SETD4: variants seen among roughly 807,000 people sequenced by gnomAD.
SETD4 encodes the protein SET domain containing 4.
In SETD4, 46 loss-of-function variants were observed where a neutral mutation model predicts 58.3. The observed-to-expected ratio is 0.79, with a 90% CI of 0.62 to 1.01. The LOEUF (loss-of-function observed/expected upper bound fraction) is 1.01. SETD4 is among the 50% of genes least tolerant of loss of function. SETD4 has a pLI of 0.00. For missense variants in SETD4, 490 were observed against 523.3 expected, an observed-to-expected ratio of 0.94 and a Z score of 0.62; for synonymous variants, 190 against 202.6, an observed-to-expected ratio of 0.94 and a Z score of 0.53.
Position 36,059,912 on chromosome 21 carries a change from G to C in SETD4, c.-37+435C>G, listed in dbSNP as rs575540101. On this transcript the variant is annotated intron_variant, in intron 1 of 11. Coordinates refer to ENST00000332131, the MANE Select transcript of SETD4 (RefSeq NM_017438.5). ...CTCAGTCCACAGACCGCGCCGGGAA[G>C]TGTCCCCAAGACTCCCGGGCCCTCG... The C allele has an allele frequency of 2.0e-4, 199 of 985,406 alleles. 1 individual carries two copies. In the African/African-American group the frequency reaches 3.4e-3, roughly 17 times the overall value. 61.0% of individuals were successfully genotyped at this position (985,406 alleles called of 1,614,324 possible).
At chr21:36,050,348 G>A (rs1355912921) in intron 4 of SETD4, 2 of 1,613,436 alleles carry the variant, frequency 1.2e-6, no homozygotes, top group Non-Finnish European at 1.7e-6. Flanking sequence ...TTAGGGCTGT[G>A]GTGATGGATG....
intron 6 of SETD4, 57 bp downstream of exon 6, chr21:36,045,525 G>C: frequency 6.4e-7 from 1 of 1,569,250 alleles, no homozygotes; most frequent in Non-Finnish European, 8.7e-7. Flanking sequence ...CACAGGTTCT[G>C]GGCAGCGGAA....
rs937641964 is a variant in SETD4, at chr21:36,035,031, A to G, written c.*962T>C. The G allele has an allele frequency of 7.9e-5, 12 of 152,300 alleles. No homozygotes were observed. Among genetic ancestry groups the G allele is most frequent in the Middle Eastern group, 3.4e-3 (1 of 294 alleles). The allele number at this position is 152,300 out of a possible 1,614,324, so 9.4% of individuals were successfully genotyped here. ...GTTCATTTGGTTTCACTAGGCTCCAATGAGAAAGGAATTTGAGTTCTTGGG... is the reference window on the plus strand; with the variant it reads ...GTTCATTTGGTTTCACTAGGCTCCAGTGAGAAAGGAATTTGAGTTCTTGGG... On this transcript the variant is annotated 3_prime_UTR_variant, in exon 12 of 12. Transcript: ENST00000332131.
At chr21:36,044,338 C>T (rs1184361125) in intron 6 of SETD4, among the ~76,000 whole-genome samples, 1 of 152,244 alleles carries the variant, frequency 6.6e-6, no homozygotes, top group Non-Finnish European at 1.5e-5. Context: ...TGGTCTCTGT[C>T]ACAAGTTGTT....
At chr21:36,046,927 A>T (rs1488425260) in intron 5 of SETD4, among the ~76,000 whole-genome samples, 1 of 152,172 alleles carries the variant, frequency 6.6e-6, no homozygotes, top group Non-Finnish European at 1.5e-5. Flanking sequence ...AAAACATGCC[A>T]GGGGGAAAAA....
chr21:36,041,087 G>A (rs1452389644), intron 8 of SETD4, among the ~76,000 whole-genome samples: 6 of 149,276 alleles, frequency 4.0e-5, no homozygotes, highest in Admixed American at 2.0e-4. Context: ...GTGAACCCGG[G>A]AGGCAGAGCT....
intron 1 of SETD4, chr21:36,059,740 A>T (rs944370360): frequency 2.9e-5 from 29 of 984,582 alleles, no homozygotes; most frequent in Non-Finnish European, 3.1e-5. Flanking sequence ...TCTAAAACAT[A>T]CGAGGGCAGA....
chr21:36,048,685 A>G (rs959347603), intron 4 of SETD4, among the ~76,000 whole-genome samples: 8 of 151,006 alleles, frequency 5.3e-5, no homozygotes, highest in African/African-American at 9.8e-5. Context: ...TGGTGGAAAC[A>G]TGCTGACAAT....
intron 10 of SETD4, 41 bp downstream of exon 10, chr21:36,038,109 T>TCAA: frequency 6.3e-7 from 1 of 1,592,728 alleles, no homozygotes; most frequent in South Asian, 1.2e-5. Flanking sequence ...AACTGCTGAA[T>TCAA]CAAGACACTT....
Position 36,048,381 on chromosome 21 carries a change from T to G in SETD4, c.223A>C (p.Ile75Leu). The change falls in exon 5 of 12, where the codon ATT (isoleucine) becomes CTT (leucine). Residue 75 changes from isoleucine (I) to leucine (L), a missense_variant. Transcript: ENST00000332131. ...QTSLQEGQMI[I>L]SLPESCLLTT... ...AGCAGGCAACTCTCAGGCAACGAAA[T>G]AATCATCTGTCCCTCCTGGCCAAAA... The G allele has an allele frequency of 1.2e-6, 2 of 1,614,052 alleles. No homozygotes were observed.
intron 8 of SETD4, among the ~76,000 whole-genome samples, chr21:36,041,221 A>AG (rs2064042952): frequency 6.9e-6 from 1 of 145,712 alleles, no homozygotes; most frequent in South Asian, 2.3e-4. Flanking sequence ...GGCCGGAGGC[A>AG]GGGCCCATGC....
rs553359357 is a variant in SETD4 at position 36,040,765 on chromosome 21, G to A, written c.984-110C>T. On this transcript the variant is annotated intron_variant, in intron 8 of 11. Transcript: ENST00000332131. ...TTTTAAAGAGGTTGCTAAATGTCAT[G>A]TAACCTGCAACCTCGGCCAAAGGAC... 4.2e-4 allele frequency: 388 copies of A among 919,366 alleles called. 1 individual carries two copies. The highest frequency in any genetic ancestry group is 5.8e-4 in the Non-Finnish European group (329 of 570,494). The allele number at this position is 919,366 out of a possible 1,614,324, so 57.0% of individuals were successfully genotyped here.
intron 4 of SETD4, chr21:36,050,715 G>C: frequency 6.2e-7 from 1 of 1,612,376 alleles, no homozygotes; most frequent in Non-Finnish European, 8.5e-7. Flanking sequence ...TAGAGGTAAA[G>C]CTGTTTTCTT....
rs377508681 is a variant in SETD4, at chr21:36,044,211, TCAG to T, written c.727-258_727-256del. 5.3e-3 allele frequency among the ~76,000 whole-genome samples: 809 copies of T among 152,290 alleles called. 5 individuals carry two copies. The highest frequency in any genetic ancestry group is 7.7e-3 in the Non-Finnish European group (521 of 68,016). ...ACCCGACACAGCACAGATGAGATCATCAGCAGTTTATTGGTCACGTCCACTCAC... is the reference window on the plus strand; with the variant it reads ...ACCCGACACAGCACAGATGAGATCATCAGTTTATTGGTCACGTCCACTCAC... On this transcript the variant is annotated intron_variant, in intron 6 of 11. Transcript: ENST00000332131.
intron 10 of SETD4, chr21:36,036,806 A>C (rs2063802067): frequency 5.4e-6 from 1 of 186,894 alleles, no homozygotes; most frequent in Non-Finnish European, 1.0e-5. Context: ...AGATGAATAA[A>C]GAAAAAGTGG....
chr21:36,038,079 A>G, intron 10 of SETD4, 71 bp downstream of exon 10: 2 of 1,520,552 alleles, frequency 1.3e-6, no homozygotes, highest in Non-Finnish European at 1.8e-6. Flanking sequence ...ACTATCCCTA[A>G]TAACATGTAC....
intron 10 of SETD4, 91 bp downstream of exon 10, chr21:36,038,059 T>C: frequency 7.1e-7 from 1 of 1,403,790 alleles, no homozygotes; most frequent in Non-Finnish European, 9.6e-7. Context: ...ACAATGCTCT[T>C]ATGAAATGCA....
Position 36,036,077 on chromosome 21 carries a change from A to ACACC in SETD4, c.*32+4_*32+7dup. ...AACCTTAGTCTAAAATGTGTGACTA[A>ACACC]CACCCACCAGAGGAGGTGACCAAAT... On this transcript the variant is annotated splice_region_variant and intron_variant, in intron 11 of 11. Transcript: ENST00000332131. 2.0e-4 allele frequency: 316 copies of ACACC among 1,613,860 alleles called. No individual in the cohort carries two copies. The highest frequency in any genetic ancestry group is 2.4e-4 in the Non-Finnish European group (286 of 1,179,920).
chr21:36,051,268 T>G, intron 4 of SETD4: 1 of 1,597,942 alleles, frequency 6.3e-7, no homozygotes, highest in Middle Eastern at 1.7e-4. Flanking sequence ...TCCAGCTCTG[T>G]TGACAGTGAC....
Sources: gnomAD v4.1 joint callset for allele counts (sites outside exome capture counted in the v4.1 genomes callset) on GRCh38, gnomAD v4.1.1 for gene constraint, MANE v1.5 for transcripts, NCBI Gene and HGNC (gene_info 2026-07-23, HGNC 2026-07-21) for gene names.